Variants in POPDC1 observed in about 807,000 individuals in gnomAD.
POPDC1 encodes the protein popeye domain cAMP effector 1, also known as popeye domain-containing protein 1.
the POPDC1 span, among the ~76,000 whole-genome samples, chr6:105,113,112 TG>T: frequency 6.6e-6 from 1 of 151,930 alleles, no homozygotes; most frequent in Non-Finnish European, 1.5e-5. Context: ...TTTAATTTTT[TG>T]TAGAGATGGG....
the POPDC1 span, among the ~76,000 whole-genome samples, chr6:105,113,891 C>T: frequency 2.0e-5 from 3 of 149,002 alleles, no homozygotes; most frequent in Non-Finnish European, 4.4e-5. Context: ...GTAATTGTAC[C>T]AATGTACTCC....
At chr6:105,117,606 T>A in the POPDC1 span, among the ~76,000 whole-genome samples, 22 of 152,312 alleles carry the variant, frequency 1.4e-4, no homozygotes, top group Non-Finnish European at 2.5e-4. Context: ...TGAGGGGCCA[T>A]GCCCTCACCA....
the POPDC1 span, among the ~76,000 whole-genome samples, chr6:105,108,124 T>C: frequency 6.6e-6 from 1 of 152,238 alleles, no homozygotes; most frequent in Middle Eastern, 3.4e-3. Flanking sequence ...CCGTGAGCTG[T>C]ACAGCGCGCA....
the POPDC1 span, chr6:105,116,838 A>AC: frequency 6.2e-7 from 1 of 1,612,436 alleles, no homozygotes; most frequent in Non-Finnish European, 8.5e-7. Flanking sequence ...CAGCATAAAA[A>AC]TCTGCAGTTA....
the POPDC1 span, among the ~76,000 whole-genome samples, chr6:105,109,233 T>C: frequency 2.6e-5 from 4 of 152,136 alleles, no homozygotes; most frequent in African/African-American, 2.4e-5. Context: ...GCGGGGACTA[T>C]AGGAGTGAGC....
chr6:105,133,653 G>A, the POPDC1 span: 9 of 1,111,402 alleles, frequency 8.1e-6, no homozygotes, highest in Non-Finnish European at 9.0e-6. Context: ...TACCTTCATA[G>A]GTATTATACC....
chr6:105,133,547 C>G, the POPDC1 span: 2 of 1,613,362 alleles, frequency 1.2e-6, no homozygotes, highest in Admixed American at 3.3e-5. Context: ...GCAGTTGATT[C>G]TCTCAATGGG....
chr6:105,116,420 ATCC>A, the POPDC1 span, among the ~76,000 whole-genome samples: 1 of 151,908 alleles, frequency 6.6e-6, no homozygotes, highest in Non-Finnish European at 1.5e-5. Context: ...AACTTACTCC[ATCC>A]TCCACCCCCT....
At chr6:105,132,057 C>T in the POPDC1 span, among the ~76,000 whole-genome samples, 3,166 of 151,776 alleles carry the variant, frequency 0.021, 106 homozygotes, top group African/African-American at 0.069. Flanking sequence ...CCTCTGTCTC[C>T]GGGGTTCAAG....
the POPDC1 span, among the ~76,000 whole-genome samples, chr6:105,119,462 A>C: frequency 2.0e-5 from 3 of 152,300 alleles, no homozygotes; most frequent in South Asian, 6.2e-4. Context: ...GATTTACAGG[A>C]AGAGGAGTAT....
At chr6:105,119,836 A>C in the POPDC1 span, among the ~76,000 whole-genome samples, 2 of 152,240 alleles carry the variant, frequency 1.3e-5, no homozygotes, top group Non-Finnish European at 2.9e-5. Flanking sequence ...TAATTTCCTT[A>C]GCAAATTCAC....
At chr6:105,122,166 C>A in the POPDC1 span, among the ~76,000 whole-genome samples, 7 of 152,176 alleles carry the variant, frequency 4.6e-5, no homozygotes, top group African/African-American at 1.7e-4. Flanking sequence ...AAAGTACAGT[C>A]TCTCCCAAGG....
At chr6:105,128,235 C>T in the POPDC1 span, among the ~76,000 whole-genome samples, 1 of 152,218 alleles carries the variant, frequency 6.6e-6, no homozygotes, top group Non-Finnish European at 1.5e-5. Flanking sequence ...CTTACTCCAC[C>T]CCATGCCCCA....
At chr6:105,102,388 C>T in the POPDC1 span, among the ~76,000 whole-genome samples, 1 of 152,264 alleles carries the variant, frequency 6.6e-6, no homozygotes, top group East Asian at 1.9e-4. Flanking sequence ...CCACAACCAG[C>T]AAGGAGGGCC....
At chr6:105,129,581 A>C in the POPDC1 span, 6 of 1,411,210 alleles carry the variant, frequency 4.3e-6, no homozygotes, top group African/African-American at 4.3e-5. Context: ...GATATCCTCT[A>C]TATATACAGT....
the POPDC1 span, chr6:105,125,418 T>C: frequency 6.2e-7 from 1 of 1,614,222 alleles, no homozygotes; most frequent in East Asian, 2.2e-5. Flanking sequence ...ACTCAGACGG[T>C]CATCAACTGA....
the POPDC1 span, among the ~76,000 whole-genome samples, chr6:105,115,058 C>T: frequency 6.6e-6 from 1 of 152,216 alleles, no homozygotes; most frequent in Non-Finnish European, 1.5e-5. Flanking sequence ...AAAATCAAAC[C>T]ATGTGGACTC....
the POPDC1 span, chr6:105,136,282 AAGGCTCGGGGAAGG>A: frequency 6.6e-6 from 1 of 152,286 alleles, no homozygotes; most frequent in African/African-American, 2.4e-5. Flanking sequence ...CCCGTTCCCA[AAGGCTCGGGGAAGG>A]AGGTTGCGGG....
At chr6:105,111,873 A>C in the POPDC1 span, among the ~76,000 whole-genome samples, 33 of 152,226 alleles carry the variant, frequency 2.2e-4, no homozygotes, top group Admixed American at 2.2e-3. Context: ...TAAAGTTATG[A>C]AGTATATTTG....
Sources: gnomAD v4.1 joint callset for allele counts (sites outside exome capture counted in the v4.1 genomes callset) on GRCh38, gnomAD v4.1.1 for gene constraint, MANE v1.5 for transcripts, NCBI Gene and HGNC (gene_info 2026-07-23, HGNC 2026-07-21) for gene names.